USH2A: variants seen among roughly 807,000 people sequenced by gnomAD.
The protein encoded by USH2A is usherin.
In USH2A, 443 loss-of-function variants were observed where a neutral mutation model predicts 538.9. The observed-to-expected ratio is 0.82, with a 90% CI of 0.76 to 0.89. The LOEUF is 0.89. Ranked by LOEUF, USH2A falls within the 40% of genes least tolerant of loss-of-function variation. USH2A has a pLI of 0.00. For synonymous variants in USH2A, 2,413 were observed against 2,273.5 expected, an observed-to-expected ratio of 1.06 and a Z score of -1.75; for missense variants, 6,633 against 6,324.8, an observed-to-expected ratio of 1.05 and a Z score of -1.65.
At chr1:216,269,807 C>A (rs1295644533) in intron 11 of USH2A, among the ~76,000 whole-genome samples, 2 of 152,092 alleles carry the variant, frequency 1.3e-5, no homozygotes, top group Non-Finnish European at 2.9e-5. Context: ...GGCTCTGGAG[C>A]AATGGTGGAT....
At chr1:215,932,924 C>T (rs149275404) in intron 38 of USH2A, among the ~76,000 whole-genome samples, 173 of 152,052 alleles carry the variant, frequency 1.1e-3, no homozygotes, top group African/African-American at 4.1e-3. Context: ...GCGCATATTC[C>T]GTTAGCAGTA....
intron 30 of USH2A, among the ~76,000 whole-genome samples, chr1:216,069,316 A>G (rs1231853557): frequency 1.3e-5 from 2 of 152,200 alleles, no homozygotes; most frequent in African/African-American, 4.8e-5. Context: ...TAAAGAAGGA[A>G]GTAAAGTCTT....
chr1:215,938,871 G>A (rs552975443), intron 37 of USH2A, among the ~76,000 whole-genome samples: 1 of 152,160 alleles, frequency 6.6e-6, no homozygotes, highest in Admixed American at 6.5e-5. Flanking sequence ...ATCACTTGGG[G>A]TTACCTCATA....
chr1:216,096,012 T>G (rs2032433446), intron 22 of USH2A, among the ~76,000 whole-genome samples: 1 of 151,506 alleles, frequency 6.6e-6, no homozygotes, highest in Non-Finnish European at 1.5e-5. Context: ...TAATATATTT[T>G]ACTTAGTCTT....
In USH2A at chr1:215,747,885, TGTTTG is replaced by T. The variant is rs752658171; in HGVS notation, c.11390-4555_11390-4551del. ...TTTTGTTTTTTTTTGTTTGTTTGTT[TGTTTG>T]GTTTTTTTTTTTGAGACGGAGTCTC... is the stretch of plus-strand genomic sequence containing the variant. On this transcript the variant is annotated intron_variant, in intron 58 of 71. Coordinates refer to ENST00000307340, the MANE Select transcript of USH2A (RefSeq NM_206933.4). 7.7e-3 allele frequency among the ~76,000 whole-genome samples: 1,109 copies of T among 144,512 alleles called. 7 individuals are homozygous for T. The highest frequency in any genetic ancestry group is 0.011 in the Non-Finnish European group (732 of 65,822). 94.8% of individuals were successfully genotyped at this position (144,512 alleles called of 152,430 possible).
intron 32 of USH2A, among the ~76,000 whole-genome samples, chr1:216,025,800 T>A (rs1668950231): frequency 6.6e-6 from 1 of 152,088 alleles, no homozygotes. Flanking sequence ...CTTTTCCACA[T>A]CCAGAGTTCC....
At chr1:216,233,377 G>A (rs1294222822) in intron 13 of USH2A, among the ~76,000 whole-genome samples, 1 of 152,070 alleles carries the variant, frequency 6.6e-6, no homozygotes, top group African/African-American at 2.4e-5. Flanking sequence ...CCTAGGCCAG[G>A]CTAGGTATAC....
intron 51 of USH2A, 27 bp from the exon 52 acceptor site, chr1:215,786,901 G>C: frequency 6.2e-7 from 1 of 1,610,412 alleles, no homozygotes; most frequent in Non-Finnish European, 8.5e-7. Context: ...GGGTGAGAGA[G>C]AGAGGGGTAT....
intron 32 of USH2A, among the ~76,000 whole-genome samples, chr1:216,037,608 A>G (rs571241589): frequency 4.6e-5 from 7 of 152,194 alleles, no homozygotes; most frequent in Non-Finnish European, 7.4e-5. Flanking sequence ...TTTCCATTGA[A>G]AGCTCTGCTC....
chr1:216,083,223 A>T, intron 26 of USH2A: 1 of 411,812 alleles, frequency 2.4e-6, no homozygotes, highest in Non-Finnish European at 4.4e-6. Flanking sequence ...CCTTATATCT[A>T]GTCTGTTTTC....
At chr1:216,358,747 G>A (rs909831025) in intron 4 of USH2A, among the ~76,000 whole-genome samples, 1 of 152,116 alleles carries the variant, frequency 6.6e-6, no homozygotes, top group African/African-American at 2.4e-5. Context: ...GGAGAAAGTT[G>A]TAATGAAAAC....
chr1:216,207,168 CCAGA>C, intron 16 of USH2A, 101 bp downstream of exon 16: 1 of 1,373,138 alleles, frequency 7.3e-7, no homozygotes. Context: ...ACACTCTGTG[CCAGA>C]CAGAGGAAAC....
At chr1:216,053,277 T>A (rs12122557) in intron 30 of USH2A, among the ~76,000 whole-genome samples, 55,810 of 151,906 alleles carry the variant, frequency 0.37, 11,610 homozygotes, top group East Asian at 0.48. Flanking sequence ...AAATAGAGAA[T>A]TGACATATCT....
chr1:216,073,060 G>A (rs1415924878), intron 28 of USH2A, 37 bp downstream of exon 28: 2 of 1,613,070 alleles, frequency 1.2e-6, no homozygotes, highest in Admixed American at 1.7e-5. Context: ...ATGAATAAGA[G>A]ACATGTAACA....
intron 3 of USH2A, among the ~76,000 whole-genome samples, chr1:216,396,550 T>C (rs2039217000): frequency 6.6e-6 from 1 of 152,198 alleles, no homozygotes; most frequent in Non-Finnish European, 1.5e-5. Flanking sequence ...TCCTTGGTAT[T>C]TATTTTAACC....
intron 13 of USH2A, among the ~76,000 whole-genome samples, chr1:216,244,329 C>G (rs575337183): frequency 6.6e-6 from 1 of 152,038 alleles, no homozygotes. Flanking sequence ...GTCTAGACTG[C>G]GACTGGAAGA....
chr1:216,104,010 T>C (rs1290573519), intron 21 of USH2A, among the ~76,000 whole-genome samples: 2 of 152,188 alleles, frequency 1.3e-5, no homozygotes, highest in African/African-American at 4.8e-5. Context: ...GTTAAACATA[T>C]ACCTAGCCGA....
At chr1:216,311,697 C>T (rs1383807582) in intron 9 of USH2A, among the ~76,000 whole-genome samples, 1 of 151,982 alleles carries the variant, frequency 6.6e-6, no homozygotes, top group Non-Finnish European at 1.5e-5. Flanking sequence ...GCATGGAGGA[C>T]GGGAGAACCG....
chr1:216,300,401 C>T (rs555293663), intron 9 of USH2A, among the ~76,000 whole-genome samples: 1 of 152,264 alleles, frequency 6.6e-6, no homozygotes, highest in South Asian at 2.1e-4. Context: ...TAGACAATGG[C>T]TATATCAGGG....
Sources: allele counts gnomAD v4.1 joint callset (sites outside exome capture counted in the v4.1 genomes callset), GRCh38; gene constraint gnomAD v4.1.1; transcripts MANE v1.5; gene names NCBI Gene and HGNC (gene_info 2026-07-23, HGNC 2026-07-21).